Variants in FAM135B observed in about 807,000 individuals in gnomAD.
The protein encoded by FAM135B is protein FAM135B.
A neutral mutation model predicts 127.7 loss-of-function variants in FAM135B; 43 were observed. The ratio of observed to expected loss-of-function variants is 0.34; its 90% CI spans 0.26 to 0.43. FAM135B has a LOEUF of 0.43. FAM135B is among the 20% of genes least tolerant of loss of function. The pLI is 1.00. For missense variants in FAM135B, 1,558 were observed against 1,725.6 expected (o/e 0.90, Z 1.72); for synonymous variants, 670 against 665.1 (o/e 1.01, Z -0.11).
intron 9 of FAM135B, among the ~76,000 whole-genome samples, chr8:138,179,905 T>A (rs559452929): frequency 6.6e-6 from 1 of 152,264 alleles, no homozygotes; most frequent in African/African-American, 2.4e-5. Flanking sequence ...GGTCTCGAAC[T>A]CCTGGGCTCA....
At chr8:138,215,315 C>T (rs1818462093) in intron 7 of FAM135B, among the ~76,000 whole-genome samples, 1 of 152,092 alleles carries the variant, frequency 6.6e-6, no homozygotes, top group African/African-American at 2.4e-5. Context: ...TGTGCAAGAA[C>T]TTAATATGGG....
At chr8:138,171,996 G>C (rs1039508685) in intron 11 of FAM135B, among the ~76,000 whole-genome samples, 1 of 152,262 alleles carries the variant, frequency 6.6e-6, no homozygotes, top group South Asian at 2.1e-4. Flanking sequence ...TGCATATATG[G>C]GAATGTTATT....
rs2130783202 is a variant in FAM135B, at chr8:138,152,836, G to A, written c.1639C>T (p.Gln547Ter). 1 of 1,614,164 alleles carries A rather than the reference G, an allele frequency of 6.2e-7. No individual in the cohort carries two copies. Among genetic ancestry groups the A allele is most frequent in the Non-Finnish European group, 8.5e-7 (1 of 1,180,034 alleles). Residue 547 changes from glutamine to a stop codon, truncating the protein, a stop_gained, in exon 13 of 20, where the codon CAG becomes TAG. Coordinates refer to ENST00000395297, the MANE Select transcript of FAM135B (RefSeq NM_015912.4). LOFTEE classifies it high-confidence loss of function. ...TCAATGTAGGTCAGCACTGGGGCCT[G>A]TCCATCCTCTGGACCTGGACTCCTT... ...SRRSPGPEDG[Q>*]APVLTYIDVK...
intron 3 of FAM135B, among the ~76,000 whole-genome samples, chr8:138,266,504 T>C (rs4909768): frequency 0.26 from 39,886 of 151,754 alleles, 5,554 homozygotes; most frequent in South Asian, 0.32. Flanking sequence ...TCCAGGGTTA[T>C]TTGGGGGAAC....
chr8:138,283,068 T>G (rs28884783), intron 3 of FAM135B, among the ~76,000 whole-genome samples: 17,769 of 152,034 alleles, frequency 0.12, 1,038 homozygotes, highest in Non-Finnish European at 0.13. Context: ...GCCCAGCTAA[T>G]TTTTGTATTT....
At chr8:138,256,652 T>C (rs1403902918) in intron 5 of FAM135B, 37 bp downstream of exon 5, 4 of 1,564,564 alleles carry the variant, frequency 2.6e-6, no homozygotes, top group Non-Finnish European at 3.5e-6. Flanking sequence ...AGGAGAGCAC[T>C]GTGCTACTAC....
At chr8:138,154,069 G>T (rs1263282296) in intron 12 of FAM135B, among the ~76,000 whole-genome samples, 2 of 152,132 alleles carry the variant, frequency 1.3e-5, no homozygotes, top group Non-Finnish European at 2.9e-5. Context: ...ACACAGCTGG[G>T]TGCCCCTCTG....
rs1033426392 is a variant in FAM135B at position 138,243,848 on chromosome 8, T to C, written c.543-780A>G. Among the ~76,000 whole-genome samples, 27 of 152,238 alleles carry C rather than the reference T, an allele frequency of 1.8e-4. No individual in the cohort carries two copies. Among genetic ancestry groups the C allele is most frequent in the Non-Finnish European group, 3.8e-4 (26 of 68,048 alleles). On this transcript the variant is annotated intron_variant, in intron 6 of 19. Coordinates refer to ENST00000395297, the MANE Select transcript of FAM135B (RefSeq NM_015912.4). This position sits in a 1 kb window ranked among gnomAD's most constrained non-coding sequence, Gnocchi z 7.5. ...CTCATATTCTTTTTTAGATCTCTTC[T>C]GTTTCATTTCTTTTCTAATGGATGT... is the stretch of plus-strand genomic sequence containing the variant.
chr8:138,171,562 C>G (rs572830071), intron 11 of FAM135B, among the ~76,000 whole-genome samples: 1 of 152,338 alleles, frequency 6.6e-6, no homozygotes, highest in South Asian at 2.1e-4. Context: ...ATACAGTGAA[C>G]AGTATTTGAC....
At chr8:138,431,476 A>G (rs543337140) in intron 1 of FAM135B, among the ~76,000 whole-genome samples, 3 of 152,330 alleles carry the variant, frequency 2.0e-5, no homozygotes, top group East Asian at 3.9e-4. Flanking sequence ...TAGTCTGACA[A>G]CTGCTTTTGT....
intron 3 of FAM135B, among the ~76,000 whole-genome samples, chr8:138,307,009 T>C (rs916430472): frequency 4.6e-5 from 7 of 152,340 alleles, no homozygotes; most frequent in Admixed American, 6.5e-5. Context: ...CGTCCATCGA[T>C]GTCCATCTTC....
intron 1 of FAM135B, among the ~76,000 whole-genome samples, chr8:138,419,421 C>T (rs1410235838): frequency 6.6e-6 from 1 of 152,012 alleles, no homozygotes; most frequent in African/African-American, 2.4e-5. Context: ...AATCTTTAAC[C>T]CCCTACTGAT....
intron 4 of FAM135B, among the ~76,000 whole-genome samples, chr8:138,258,608 C>T (rs140502779): frequency 1.3e-5 from 2 of 152,270 alleles, no homozygotes; most frequent in African/African-American, 2.4e-5. Flanking sequence ...AAACTTGCTG[C>T]AATTTCCTTA....
At chr8:138,194,834 GT>G (rs549546120) in intron 9 of FAM135B, among the ~76,000 whole-genome samples, 2 of 152,172 alleles carry the variant, frequency 1.3e-5, no homozygotes, top group Non-Finnish European at 2.9e-5. Context: ...ATGAGGCTTT[GT>G]TGGCAAATGC....
chr8:138,186,019 T>G (rs913533585), intron 9 of FAM135B, among the ~76,000 whole-genome samples: 1 of 152,128 alleles, frequency 6.6e-6, no homozygotes, highest in Non-Finnish European at 1.5e-5. Flanking sequence ...GCCCTTACCC[T>G]GGGCTTTGCA....
chr8:138,201,601 C>T (rs186891285), intron 7 of FAM135B, among the ~76,000 whole-genome samples: 26 of 152,262 alleles, frequency 1.7e-4, no homozygotes, highest in African/African-American at 3.4e-4. Context: ...TCAGAGTGGA[C>T]GGGCCAGTGT....
At chr8:138,293,855 A>G (rs1825293031) in intron 3 of FAM135B, among the ~76,000 whole-genome samples, 1 of 152,192 alleles carries the variant, frequency 6.6e-6, no homozygotes. Context: ...TAAAGAACTA[A>G]AAGTAGGCCT....
At chr8:138,487,424 T>C (rs983969829) in intron 1 of FAM135B, among the ~76,000 whole-genome samples, 1 of 152,034 alleles carries the variant, frequency 6.6e-6, no homozygotes, top group African/African-American at 2.4e-5. Flanking sequence ...TTAATTAAGG[T>C]TAAGAACAAT....
chr8:138,380,517 C>T (rs1016575999), intron 1 of FAM135B, among the ~76,000 whole-genome samples: 2 of 152,082 alleles, frequency 1.3e-5, no homozygotes, highest in African/African-American at 2.4e-5. Flanking sequence ...TAATACCTCA[C>T]GCATCAAAGC....
Sources: allele counts gnomAD v4.1 joint callset (sites outside exome capture counted in the v4.1 genomes callset), GRCh38; gene constraint gnomAD v4.1.1; non-coding constraint Gnocchi (gnomAD v3.1); transcripts MANE v1.5; gene names NCBI Gene and HGNC (gene_info 2026-07-23, HGNC 2026-07-21).